Variants in MFSD12 observed in about 807,000 individuals in gnomAD.
MFSD12 encodes major facilitator superfamily domain-containing protein 12.
MFSD12 carries 67 observed loss-of-function variants against 51.2 expected under a neutral mutation model. The ratio of observed to expected loss-of-function variants is 1.31; its 90% confidence interval spans 1.08 to 1.60. The LOEUF is 1.60. Among genes scored for constraint, MFSD12 ranks in the 40% most tolerant of loss-of-function variants. The pLI is 0.00. For synonymous variants in MFSD12, 441 were observed against 316.7 expected (o/e 1.39, Z -4.17); for missense variants, 921 against 673.0 (o/e 1.37, Z -4.08).
exon 5 of MFSD12, chr19:3,538,278 GGTTTT>G (rs907946481): frequency 9.0e-5 from 15 of 166,870 alleles, no homozygotes; most frequent in Admixed American, 1.2e-4. Context: ...GGTTTGGTTT[GGTTTT>G]GTTTTGTTTT....
At chr19:3,543,479 T>TGGGGG, downstream of MFSD12, 1 of 1,391,568 alleles carries the variant, frequency 7.2e-7, no homozygotes. Flanking sequence ...ATCGGGTGAG[T>TGGGGG]GCCCCCCCCC....
chr19:3,543,015 G>A (rs755891981), downstream of MFSD12: 21 of 1,603,456 alleles, frequency 1.3e-5, no homozygotes, highest in Non-Finnish European at 1.5e-5. Flanking sequence ...TTGGGTGCTT[G>A]GGGTGCGATG....
In MFSD12 at chr19:3,544,863, C is replaced by T. The variant is rs767913620; in HGVS notation, c.1366G>A (p.Ala456Thr). The T allele has an allele frequency of 2.5e-6, 4 of 1,611,320 alleles. No homozygotes were observed. The highest frequency in any genetic ancestry group is 3.3e-5 in the Admixed American group (2 of 59,930). ...AGGCTACAGAGACACAGGGCAGCGG[C>T]CACGCCCACGCCGCCCGTCACAGCC... The part of the protein sequence containing the change: ...MVAVTGGVGV[A>T]AALCLCSLLL... The change falls in exon 9 of 10, where the codon GCC becomes ACC. Residue 456 changes from alanine (A) to threonine (T), a missense_variant. By Grantham distance (58) the Ala-to-Thr change is moderately conservative. Coordinates refer to ENST00000355415, the MANE Select transcript of MFSD12 (RefSeq NM_174983.5).
downstream of MFSD12, among the ~76,000 whole-genome samples, chr19:3,540,478 G>C (rs1220915678): frequency 6.6e-6 from 1 of 151,390 alleles, no homozygotes; most frequent in East Asian, 2.0e-4. Context: ...GGATGGTCTC[G>C]ATCTCCTGAC....
In MFSD12 at chr19:3,551,189, C is replaced by A; in HGVS notation, c.304G>T (p.Val102Phe). The change falls in exon 2 of 10, where the codon GTC becomes TTC. Residue 102 changes from valine to phenylalanine, a missense_variant. By Grantham distance (50) the Val-to-Phe change is conservative. Coordinates refer to ENST00000355415, the MANE Select transcript of MFSD12 (RefSeq NM_174983.5). This position sits in a 1 kb window ranked among gnomAD's most constrained non-coding sequence, Gnocchi z 4.6. ...PRKAWHLVGT[V>F]CVLLSFPFIF... ...AAGGGGAAGGACAGCAGGACGCAGA[C>A]GGTGCCTGTGGAAGGCAGAGTGGTC... 1 of 1,603,968 alleles carries A rather than the reference C, an allele frequency of 6.2e-7. No individual in the cohort carries two copies. Among genetic ancestry groups the A allele is most frequent in the Non-Finnish European group, 8.5e-7 (1 of 1,175,332 alleles).
intron 4 of MFSD12, chr19:3,538,793 G>A (rs1194620645): frequency 1.9e-6 from 1 of 538,296 alleles, no homozygotes; most frequent in South Asian, 1.5e-5. Flanking sequence ...ATGTGAGTGG[G>A]TGAGGAGTGA....
chr19:3,544,854 G>C lies in MFSD12; in HGVS notation c.1375C>G (p.Leu459Val), dbSNP rs1226280236. The stretch of plus-strand genomic sequence containing the variant: ...CACAGCAGGAGGCTACAGAGACACA[G>C]GGCAGCGGCCACGCCCACGCCGCCC... ...VTGGVGVAAA[L>V]CLCSLLLWPT... Residue 459 changes from leucine to valine, a missense_variant, in exon 9 of 10, where the codon CTG becomes GTG. Coordinates refer to ENST00000355415, the MANE Select transcript of MFSD12 (RefSeq NM_174983.5). 6.2e-7 allele frequency: 1 copy of C among 1,612,168 alleles called. No individual in the cohort carries two copies. The highest frequency in any genetic ancestry group is 8.5e-7 in the Non-Finnish European group (1 of 1,179,684).
At chr19:3,538,713 G>T in exon 5 of MFSD12, 1 of 475,444 alleles carries the variant, frequency 2.1e-6, no homozygotes, top group South Asian at 1.5e-5. Flanking sequence ...GCCTCGGGCT[G>T]TCACAAATCG....
chr19:3,543,227 A>C (rs1568249740), downstream of MFSD12: 3 of 1,540,914 alleles, frequency 1.9e-6, no homozygotes, highest in African/African-American at 2.7e-5. Context: ...CCCCCTGCCC[A>C]CCCTCAGCGA....
chr19:3,548,356 G>A (rs1214724187), intron 2 of MFSD12, 89 bp from the exon 3 acceptor site: 8 of 1,497,290 alleles, frequency 5.3e-6, no homozygotes, highest in African/African-American at 1.4e-5. Flanking sequence ...AGAGGCCTGG[G>A]GAACCCCTGA....
At chr19:3,543,513 A>G (rs746584219), downstream of MFSD12, 2 of 1,156,578 alleles carry the variant, frequency 1.7e-6, no homozygotes, top group South Asian at 2.7e-5. Context: ...CGGGCCTGCC[A>G]GAGGGGGACA....
chr19:3,550,625 C>T (rs768063830), intron 2 of MFSD12, among the ~76,000 whole-genome samples: 4 of 152,056 alleles, frequency 2.6e-5, no homozygotes, highest in African/African-American at 7.2e-5. Context: ...CTCCTGACCT[C>T]GTGATCTGCC....
At position 3,546,276 on chromosome 19, in the gene MFSD12, G is replaced by T; in HGVS notation, c.1173C>A (p.Ala391=). The T allele has an allele frequency of 6.2e-7, 1 of 1,610,568 alleles. No homozygotes were observed. Among genetic ancestry groups the T allele is most frequent in the Non-Finnish European group, 8.5e-7 (1 of 1,179,108 alleles). The part of the protein sequence containing the change: ...TILVTSLAMT[A]DLIGPHTNSG... ...CTACCGTGTGGGGACCGATGAGGTC[G>T]GCCGTCATGGCCAGCGAGGTGACGA... is the stretch of plus-strand genomic sequence containing the variant. Residue 391 remains alanine (A), a synonymous_variant, in exon 7 of 10, where the codon GCC becomes GCA. Coordinates refer to ENST00000355415, the MANE Select transcript of MFSD12 (RefSeq NM_174983.5).
rs569653892 is a variant in MFSD12 at position 3,548,169 on chromosome 19, A to C, written c.608T>G (p.Ile203Ser). ...GSSRVEPTQD[I>S]SISDQLGGQD... ...GCCCCCCAGCTGGTCGCTGATGCTG[A>C]TGTCTTGGGTGGGCTCCACCCGCGA... The change falls in exon 3 of 10, where the codon ATC becomes AGC. Residue 203 changes from isoleucine (I) to serine (S), a missense_variant. Transcript: ENST00000355415. The C allele has an allele frequency of 6.3e-7, 1 of 1,599,902 alleles. No individual in the cohort carries two copies. The highest frequency in any genetic ancestry group is 2.3e-5 in the East Asian group (1 of 44,068).
chr19:3,547,158 G>A (rs2031129406), intron 6 of MFSD12, 114 bp downstream of exon 6: 2 of 924,240 alleles, frequency 2.2e-6, no homozygotes, highest in South Asian at 1.4e-5. Context: ...GCTTCTACAA[G>A]GCGGGAACTC....
intron 8 of MFSD12, 90 bp downstream of exon 8, chr19:3,545,984 G>A: frequency 2.2e-6 from 3 of 1,375,218 alleles, no homozygotes; most frequent in East Asian, 4.6e-5. Flanking sequence ...ACAGCTGGAT[G>A]CCCAGACCCA....
At chr19:3,552,569 A>G (rs1284593160) in intron 1 of MFSD12, among the ~76,000 whole-genome samples, 2 of 138,518 alleles carry the variant, frequency 1.4e-5, no homozygotes, top group Non-Finnish European at 3.0e-5. Context: ...CTGCCTCCCT[A>G]GCTCAAGCCA....
In MFSD12 at chr19:3,557,211, C is replaced by G; in HGVS notation, c.193G>C (p.Gly65Arg). 6.3e-7 allele frequency: 1 copy of G among 1,580,060 alleles called. No individual in the cohort carries two copies. The highest frequency in any genetic ancestry group is 8.6e-7 in the Non-Finnish European group (1 of 1,165,754). Residue 65 changes from glycine to arginine, a missense_variant, in exon 1 of 10, where the codon GGC (glycine) becomes CGC (arginine). Physicochemically the swap from Gly to Arg is moderately radical, Grantham distance 125. Transcript: ENST00000355415. ...SRGAGLLLLL[G>R]QVADGLCTPL... ...GTGCACAGCCCGTCGGCCACCTGGC[C>G]CAGCAGCAGCAGCAGCCCCGCGCCG...
chr19:3,539,182 A>G (rs1455189946), intron 4 of MFSD12: 3 of 1,550,020 alleles, frequency 1.9e-6, no homozygotes, highest in Admixed American at 2.0e-5. Context: ...GCAGACATGC[A>G]AACCCTCAGG....
Sources: gnomAD v4.1 joint callset for allele counts (sites outside exome capture counted in the v4.1 genomes callset) on GRCh38, gnomAD v4.1.1 for gene constraint, Gnocchi (gnomAD v3.1) non-coding constraint, MANE v1.5 for transcripts, NCBI Gene and HGNC (gene_info 2026-07-23, HGNC 2026-07-21) for gene names.